The following DPP10 variants were observed in gnomAD, a reference collection of about 807,000 sequenced individuals.
DPP10 encodes inactive dipeptidyl peptidase 10.
A neutral mutation model predicts 120.9 loss-of-function variants in DPP10; 33 were observed. The observed-to-expected ratio is 0.27, with a 90% confidence interval of 0.21 to 0.37. The LOEUF (loss-of-function observed/expected upper bound fraction) is 0.37, where lower values mean the gene tolerates loss of function less well. Ranked by LOEUF, DPP10 falls within the 10% of genes least tolerant of loss-of-function variation. The pLI, the probability that DPP10 is intolerant of heterozygous loss-of-function variation, is 1.00. For missense variants in DPP10, 816 were observed against 942.8 expected (o/e 0.87, Z 1.76); for synonymous variants, 337 against 326.1 (o/e 1.03, Z -0.36).
intron 1 of DPP10, among the ~76,000 whole-genome samples, chr2:114,914,188 C>A (rs1480364614): frequency 4.6e-5 from 7 of 152,068 alleles, no homozygotes; most frequent in Non-Finnish European, 1.0e-4. Context: ...ACCTCACGTG[C>A]AAATCTAGAA....
At chr2:115,709,760 A>T (rs1218546767) in intron 7 of DPP10, among the ~76,000 whole-genome samples, 1 of 151,988 alleles carries the variant, frequency 6.6e-6, no homozygotes, top group East Asian at 1.9e-4. Context: ...AAAACAAAAC[A>T]AACAAACAAA....
rs192969605 is a variant in DPP10 at position 115,806,090 on chromosome 2, A to G, written c.1701-8703A>G. ...CCCTAAGAAAAAATTCTAGGGATAA[A>G]GGAATTTAAAATACGTGGTGTAAAT... On this transcript the variant is annotated intron_variant, in intron 19 of 25. Coordinates refer to ENST00000410059, the MANE Select transcript of DPP10 (RefSeq NM_020868.6). Among the ~76,000 whole-genome samples the G allele has an allele frequency of 6.6e-4, 101 of 152,330 alleles. 2 individuals carry two copies. The highest frequency in any genetic ancestry group is 2.3e-3 in the African/African-American group (95 of 41,568).
At chr2:115,643,067 G>A (rs1267820698) in intron 5 of DPP10, among the ~76,000 whole-genome samples, 3 of 151,824 alleles carry the variant, frequency 2.0e-5, no homozygotes. Context: ...ATGCATTAAA[G>A]GAGAAATTCA....
chr2:115,686,154 T>G (rs573880860), intron 5 of DPP10, among the ~76,000 whole-genome samples: 68 of 152,122 alleles, frequency 4.5e-4, no homozygotes, highest in African/African-American at 1.4e-3. Flanking sequence ...TTTCACATTT[T>G]TGTGCTTTCT....
At chr2:115,207,416 CAAAAAAAAAAAA>C (rs57462947) in intron 1 of DPP10, among the ~76,000 whole-genome samples, 11 of 52,296 alleles carry the variant, frequency 2.1e-4, no homozygotes, top group African/African-American at 5.9e-4. Flanking sequence ...CTTACTGCAC[CAAAAAAAAAAAA>C]AAAAAAAAAA....
At chr2:114,488,287 A>G (rs1385381603) in intron 1 of DPP10, among the ~76,000 whole-genome samples, 1 of 152,114 alleles carries the variant, frequency 6.6e-6, no homozygotes, top group Non-Finnish European at 1.5e-5. Context: ...TCCATGGCTT[A>G]TTTGTTAGGT....
intron 1 of DPP10, among the ~76,000 whole-genome samples, chr2:114,916,448 G>T (rs915857550): frequency 5.3e-5 from 8 of 152,076 alleles, no homozygotes; most frequent in African/African-American, 1.9e-4. Flanking sequence ...TCAAAGAGGA[G>T]GTATTACTCT....
intron 1 of DPP10, among the ~76,000 whole-genome samples, chr2:115,279,641 C>CT (rs1200835822): frequency 1.5e-5 from 1 of 66,392 alleles, no homozygotes; most frequent in Non-Finnish European, 3.3e-5. Flanking sequence ...TTCTTTCTTT[C>CT]TTTTTTTCTT....
At chr2:115,120,659 A>C (rs1191258231) in intron 1 of DPP10, among the ~76,000 whole-genome samples, 1 of 152,166 alleles carries the variant, frequency 6.6e-6, no homozygotes, top group Non-Finnish European at 1.5e-5. Context: ...TAGTAGACCT[A>C]ATAACCTTTA....
intron 5 of DPP10, among the ~76,000 whole-genome samples, chr2:115,581,017 A>G (rs955756861): frequency 2.0e-5 from 3 of 152,196 alleles, no homozygotes; most frequent in Non-Finnish European, 4.4e-5. Context: ...GTTTCGGGAA[A>G]GTGTCAAAGC....
chr2:115,798,121 C>T (rs1339149672), intron 19 of DPP10, among the ~76,000 whole-genome samples: 3 of 151,796 alleles, frequency 2.0e-5, no homozygotes, highest in African/African-American at 4.8e-5. Context: ...CTATTTAAAA[C>T]TTACATGTAT....
Position 114,795,497 on chromosome 2 carries a change from A to G in DPP10, c.60+352659A>G, listed in dbSNP as rs539347785. ...CAAGAGTGAAACGTCATCTCTGGGG[A>G]AAAAAAAAAAAAGGCTAGTGCTCTC... On this transcript the variant is annotated intron_variant, in intron 1 of 25. Transcript: ENST00000410059. 3.2e-4 allele frequency among the ~76,000 whole-genome samples: 41 copies of G among 129,524 alleles called. 1 individual carries two copies. Among genetic ancestry groups the G allele is most frequent in the South Asian group, 8.2e-4 (3 of 3,644 alleles). The allele number at this position is 129,524 out of a possible 152,430, so 85.0% of individuals were successfully genotyped here. A position where few individuals can be genotyped will look rare whatever the true frequency, so the allele number is the denominator to read the frequency against.
intron 1 of DPP10, among the ~76,000 whole-genome samples, chr2:114,983,926 T>C (rs1267267709): frequency 1.3e-5 from 2 of 152,216 alleles, no homozygotes; most frequent in Admixed American, 6.5e-5. Context: ...CCAGATATTC[T>C]GGCTCCAGAG....
chr2:114,980,589 C>T (rs765840628), intron 1 of DPP10, among the ~76,000 whole-genome samples: 6 of 149,856 alleles, frequency 4.0e-5, no homozygotes, highest in Non-Finnish European at 5.9e-5. Flanking sequence ...AAAAGTCACA[C>T]TTCATACAGT....
chr2:115,786,343 A>G (rs1683341842), intron 17 of DPP10, among the ~76,000 whole-genome samples: 1 of 152,196 alleles, frequency 6.6e-6, no homozygotes, highest in South Asian at 2.1e-4. Context: ...GCAAAACTAT[A>G]TGAGGCCAGA....
At chr2:114,515,639 G>A (rs1402880779) in intron 1 of DPP10, among the ~76,000 whole-genome samples, 1 of 152,070 alleles carries the variant, frequency 6.6e-6, no homozygotes, top group Non-Finnish European at 1.5e-5. Context: ...TTACCACTTG[G>A]AGCCAGAGGT....
chr2:115,184,138 A>G (rs2054269624), intron 1 of DPP10, among the ~76,000 whole-genome samples: 1 of 152,216 alleles, frequency 6.6e-6, no homozygotes, highest in South Asian at 2.1e-4. Context: ...GTAAAACCCA[A>G]TGAGACCAAT....
chr2:115,367,056 A>G (rs915472913), intron 3 of DPP10, among the ~76,000 whole-genome samples: 4 of 152,094 alleles, frequency 2.6e-5, no homozygotes, highest in Non-Finnish European at 5.9e-5. Flanking sequence ...AGATATTGTA[A>G]GAGAGACACT....
chr2:114,829,196 G>A (rs1268127871), intron 1 of DPP10, among the ~76,000 whole-genome samples: 2 of 151,874 alleles, frequency 1.3e-5, no homozygotes, highest in African/African-American at 4.8e-5. Context: ...GGCTGAAGAA[G>A]GAGAACTGCT....
Sources: gnomAD v4.1 joint callset for allele counts (sites outside exome capture counted in the v4.1 genomes callset) on GRCh38, gnomAD v4.1.1 for gene constraint, MANE v1.5 for transcripts, NCBI Gene and HGNC (gene_info 2026-07-23, HGNC 2026-07-21) for gene names.